TBR1: variants seen among roughly 807,000 people sequenced by gnomAD.
The protein encoded by TBR1 is T-box brain protein 1.
TBR1 carries 7 observed loss-of-function variants against 60.3 expected under a neutral mutation model. The ratio of observed to expected loss-of-function variants is 0.12; its 90% CI spans 0.07 to 0.22. The LOEUF (loss-of-function observed/expected upper bound fraction) is 0.22. Among genes scored for constraint, TBR1 ranks in the 10% least tolerant of loss-of-function variants. The pLI, the probability that TBR1 is intolerant of heterozygous loss-of-function variation, is 1.00. For missense variants in TBR1, 616 were observed against 936.8 expected, an observed-to-expected ratio of 0.66 and a Z score of 4.47; for synonymous variants, 417 against 409.9, an observed-to-expected ratio of 1.02 and a Z score of -0.21.
At position 161,416,827 on chromosome 2, in the gene TBR1, C is replaced by T; in HGVS notation, c.417C>T (p.Ile139=). ...QHGPAHPAFS[I]GSPSRYMAHH... ...GACCGGCGCACCCCGCCTTCTCCAT[C>T]GGCAGCCCTAGCCGCTACATGGCCC... Residue 139 remains isoleucine, a synonymous_variant, in exon 1 of 6, where the codon ATC becomes ATT. Transcript: ENST00000389554. The surrounding 1 kb of genome is among the most constrained non-coding windows in gnomAD (Gnocchi z 6.1). 2 of 1,614,026 alleles carry T rather than the reference C, an allele frequency of 1.2e-6. No individual in the cohort carries two copies. The highest frequency in any genetic ancestry group is 1.7e-6 in the Non-Finnish European group (2 of 1,180,014).
chr2:161,423,956 G>T lies in TBR1; in HGVS notation c.1778G>T (p.Arg593Leu). Residue 593 changes from arginine (R) to leucine (L), a missense_variant, in exon 6 of 6, where the codon CGC becomes CTC. Physicochemically the swap from Arg to Leu is moderately radical, Grantham distance 102. Transcript: ENST00000389554. ...GEEAEGLAAE[R>L]SPLPPGAAED... Reference sequence around the variant, plus strand: ...GAGGCCGAGGGCCTGGCCGCCGAGCGCTCGCCGCTGCCGCCCGGCGCCGCC... The same window carrying T: ...GAGGCCGAGGGCCTGGCCGCCGAGCTCTCGCCGCTGCCGCCCGGCGCCGCC... 1 of 1,546,454 alleles carries T rather than the reference G, an allele frequency of 6.5e-7. No individual in the cohort carries two copies. Among genetic ancestry groups the T allele is most frequent in the Non-Finnish European group, 8.7e-7 (1 of 1,145,066 alleles).
chr2:161,416,874 G>A lies in TBR1; in HGVS notation c.464G>A (p.Gly155Glu). 6.2e-7 allele frequency: 1 copy of A among 1,613,990 alleles called. No homozygotes were observed. Among genetic ancestry groups the A allele is most frequent in the Non-Finnish European group, 8.5e-7 (1 of 1,179,998 alleles). ...YMAHHPVITN[G>E]AYNSLLSNSS... Reference sequence around the variant, plus strand: ...GCCCACCACCCGGTCATCACCAACGGAGCCTACAACAGCCTCCTGTCCAAC... The same window carrying A: ...GCCCACCACCCGGTCATCACCAACGAAGCCTACAACAGCCTCCTGTCCAAC... Residue 155 changes from glycine (G) to glutamate (E), a missense_variant, in exon 1 of 6, where the codon GGA becomes GAA. By Grantham distance (98) the Gly-to-Glu change is moderately conservative (BLOSUM62 -2). Around this residue, in one of 8 missense-constraint regions of TBR1, gnomAD observed 211 missense variants for 268.7 expected, o/e 0.79. Transcript: ENST00000389554. The surrounding 1 kb of genome is among the most constrained non-coding windows in gnomAD (Gnocchi z 6.1).
At position 161,417,278 on chromosome 2, in the gene TBR1, G is replaced by C; in HGVS notation, c.692+176G>C. On this transcript the variant is annotated intron_variant, in intron 1 of 5. Coordinates refer to ENST00000389554, the MANE Select transcript of TBR1 (RefSeq NM_006593.4). The surrounding 1 kb of genome is among the most constrained non-coding windows in gnomAD (Gnocchi z 5.3). ...AGGGATAACCGCCAGGGTGATGTTG[G>C]TGGGGGGGACCCCGTTCTAGGAACA... 1.5e-6 allele frequency: 1 copy of C among 679,132 alleles called. No individual in the cohort carries two copies. The highest frequency in any genetic ancestry group is 2.4e-6 in the Non-Finnish European group (1 of 413,782). 42.1% of individuals were successfully genotyped at this position (679,132 alleles called of 1,614,324 possible).
rs370315773 is a variant in TBR1 at position 161,416,875 on chromosome 2, A to C, written c.465A>C (p.Gly155=). ...YMAHHPVITN[G]AYNSLLSNSS... ...CCCACCACCCGGTCATCACCAACGG[A>C]GCCTACAACAGCCTCCTGTCCAACT... The change falls in exon 1 of 6, where the codon GGA becomes GGC. Residue 155 remains glycine (G), a synonymous_variant. Transcript: ENST00000389554. This position sits in a 1 kb window ranked among gnomAD's most constrained non-coding sequence, Gnocchi z 6.1. 4.5e-5 allele frequency: 72 copies of C among 1,613,806 alleles called. No individual in the cohort carries two copies. The highest frequency in any genetic ancestry group is 5.8e-5 in the Non-Finnish European group (68 of 1,179,982).
intron 3 of TBR1, 130 bp from the exon 4 acceptor site, chr2:161,418,761 GT>G (rs954980201): frequency 7.9e-7 from 1 of 1,272,200 alleles, no homozygotes; most frequent in Non-Finnish European, 1.1e-6. Flanking sequence ...GAGTCCCGCG[GT>G]CAGTTAGCCT....
intron 2 of TBR1, 113 bp from the exon 3 acceptor site, chr2:161,418,088 G>T: frequency 6.9e-7 from 1 of 1,443,490 alleles, no homozygotes; most frequent in Non-Finnish European, 9.0e-7. Flanking sequence ...GTGGAGTAAG[G>T]TGTGTGTATG....
At chr2:161,418,096 ATGTGTGTGTGTGTG>A (rs78592009) in intron 2 of TBR1, 91 bp from the exon 3 acceptor site, 51 of 1,414,354 alleles carry the variant, frequency 3.6e-5, no homozygotes, top group South Asian at 1.1e-4. Context: ...AGGTGTGTGT[ATGTGTGTGTGTGTG>A]TGTGTGTGTG....
Position 161,423,843 on chromosome 2 carries a change from C to G in TBR1, c.1665C>G (p.Gly555=). ...CCCGCAGTCCCCCGCAGTACTGCGG[C>G]ACCAAGTCGGGCTCGGTGCTGCCCT... ...WGARSPPQYC[G]TKSGSVLPCW... The change falls in exon 6 of 6, where the codon GGC becomes GGG. Residue 555 remains glycine (G), a synonymous_variant. Coordinates refer to ENST00000389554, the MANE Select transcript of TBR1 (RefSeq NM_006593.4). The G allele has an allele frequency of 6.8e-7, 1 of 1,463,558 alleles. No individual in the cohort carries two copies. The highest frequency in any genetic ancestry group is 2.4e-4 in the Middle Eastern group (1 of 4,240). 90.7% of individuals were successfully genotyped at this position (1,463,558 alleles called of 1,614,324 possible).
Position 161,424,515 on chromosome 2 carries a change from T to G in TBR1, c.*288T>G, listed in dbSNP as rs981435848. ...TATCCTCCTACAATTCCCCTCCCCC[T>G]CGTCTTTCTCTTACCTCCTACTTCT... On this transcript the variant is annotated 3_prime_UTR_variant, in exon 6 of 6. Transcript: ENST00000389554. The surrounding 1 kb of genome is among the most constrained non-coding windows in gnomAD (Gnocchi z 4.4). 2.7e-6 allele frequency: 1 copy of G among 368,346 alleles called. No homozygotes were observed. Among genetic ancestry groups the G allele is most frequent in the African/African-American group, 2.1e-5 (1 of 48,250 alleles). The allele number at this position is 368,346 out of a possible 1,614,324, so 22.8% of individuals were successfully genotyped here.
In TBR1 at chr2:161,423,423, G is replaced by A. The variant is rs376920114; in HGVS notation, c.1245G>A (p.Pro415=). The part of the protein sequence containing the change: ...DRLTPSPNDS[P]RSQIVPGARY... ...TGACCCCCTCGCCCAACGACTCGCCGCGCTCGCAGATCGTGCCCGGGGCCC... is the reference window on the plus strand; with the variant it reads ...TGACCCCCTCGCCCAACGACTCGCCACGCTCGCAGATCGTGCCCGGGGCCC... Residue 415 remains proline, a synonymous_variant, in exon 6 of 6, where the codon CCG becomes CCA. Coordinates refer to ENST00000389554, the MANE Select transcript of TBR1 (RefSeq NM_006593.4). 1.3e-6 allele frequency: 2 copies of A among 1,593,030 alleles called. No homozygotes were observed. The highest frequency in any genetic ancestry group is 1.7e-6 in the Non-Finnish European group (2 of 1,169,962).
Position 161,424,344 on chromosome 2 carries a change from C to A in TBR1, c.*117C>A. 1 of 1,166,240 alleles carries A rather than the reference C, an allele frequency of 8.6e-7. No homozygotes were observed. Among genetic ancestry groups the A allele is most frequent in the Non-Finnish European group, 1.2e-6 (1 of 838,902 alleles). 72.2% of individuals were successfully genotyped at this position (1,166,240 alleles called of 1,614,324 possible). On this transcript the variant is annotated 3_prime_UTR_variant, in exon 6 of 6. Coordinates refer to ENST00000389554, the MANE Select transcript of TBR1 (RefSeq NM_006593.4). The surrounding 1 kb of genome is among the most constrained non-coding windows in gnomAD (Gnocchi z 4.4). ...TGCGCACCCACTCATTTTATTTGAC[C>A]CTCGATGGCCGTCTGCAGCGAATAA...
Position 161,424,266 on chromosome 2 carries a change from C to T in TBR1, c.*39C>T. The stretch of plus-strand genomic sequence containing the variant: ...GCCCGGCCCCGCCGCGGCCCGGACC[C>T]CCAGCCAGCCCCTCACAGCTCTTCC... On this transcript the variant is annotated 3_prime_UTR_variant, in exon 6 of 6. Coordinates refer to ENST00000389554, the MANE Select transcript of TBR1 (RefSeq NM_006593.4). The surrounding 1 kb of genome is among the most constrained non-coding windows in gnomAD (Gnocchi z 4.4). 2.0e-6 allele frequency: 3 copies of T among 1,508,568 alleles called. No homozygotes were observed. Among genetic ancestry groups the T allele is most frequent in the South Asian group, 1.3e-5 (1 of 77,260 alleles). The allele number at this position is 1,508,568 out of a possible 1,614,324, so 93.4% of individuals were successfully genotyped here. A position where few individuals can be genotyped will look rare whatever the true frequency, so the allele number is the denominator to read the frequency against.
chr2:161,418,818 G>C, intron 3 of TBR1, 74 bp from the exon 4 acceptor site: 3 of 1,531,868 alleles, frequency 2.0e-6, no homozygotes, highest in South Asian at 1.2e-5. Flanking sequence ...GCGCGCAGCC[G>C]GGCGCACACA....
intron 5 of TBR1, chr2:161,421,157 G>A (rs919931182): frequency 2.0e-5 from 3 of 152,240 alleles, no homozygotes; most frequent in African/African-American, 7.2e-5. Flanking sequence ...CACGTTTTCT[G>A]ACCATAAAAG....
rs1684283460 is a variant in TBR1, at chr2:161,424,169, G to C, written c.1991G>C (p.Cys664Ser). The C allele has an allele frequency of 5.0e-6, 8 of 1,612,942 alleles. No individual in the cohort carries two copies. Among genetic ancestry groups the C allele is most frequent in the Non-Finnish European group, 6.8e-6 (8 of 1,179,654 alleles). Reference sequence around the variant, plus strand: ...AGCGAGGTGCTGGCCCAGCGGGACTGCGAGAAGAACTGCGCCAAGGACATT... The same window carrying C: ...AGCGAGGTGCTGGCCCAGCGGGACTCCGAGAAGAACTGCGCCAAGGACATT... ...LKSEVLAQRD[C>S]EKNCAKDISG... The change falls in exon 6 of 6, where the codon TGC becomes TCC. Residue 664 changes from cysteine to serine, a missense_variant. By Grantham distance (112) the Cys-to-Ser change is moderately radical. Coordinates refer to ENST00000389554, the MANE Select transcript of TBR1 (RefSeq NM_006593.4). The surrounding 1 kb of genome is among the most constrained non-coding windows in gnomAD (Gnocchi z 4.4).
In TBR1 at chr2:161,416,878, C is replaced by A; in HGVS notation, c.468C>A (p.Ala156=). The change falls in exon 1 of 6, where the codon GCC becomes GCA. Residue 156 remains alanine (A), a synonymous_variant. Coordinates refer to ENST00000389554, the MANE Select transcript of TBR1 (RefSeq NM_006593.4). This position sits in a 1 kb window ranked among gnomAD's most constrained non-coding sequence, Gnocchi z 6.1. ...MAHHPVITNG[A]YNSLLSNSSP... is the part of the protein sequence containing the mutation. ...ACCACCCGGTCATCACCAACGGAGCCTACAACAGCCTCCTGTCCAACTCCT... is the reference window on the plus strand; with the variant it reads ...ACCACCCGGTCATCACCAACGGAGCATACAACAGCCTCCTGTCCAACTCCT... 1 of 1,614,046 alleles carries A rather than the reference C, an allele frequency of 6.2e-7. No individual in the cohort carries two copies. The highest frequency in any genetic ancestry group is 1.1e-5 in the South Asian group (1 of 91,058).
At chr2:161,420,964 T>C (rs775785603) in intron 5 of TBR1, 30 of 152,294 alleles carry the variant, frequency 2.0e-4, no homozygotes, top group African/African-American at 6.0e-4. Context: ...TTAAACATGC[T>C]GGTGCCCTTT....
rs1374111628 is a variant in TBR1, at chr2:161,416,541, A to T, written c.131A>T (p.Asp44Val). ...LHDHPIISTT[D>V]NLERSSPLKK... ...GATCATCCCATTATCTCGACCACTG[A>T]CAACCTGGAGAGAAGTTCACCTTTG... is the stretch of plus-strand genomic sequence containing the variant. Residue 44 changes from aspartate to valine, a missense_variant, in exon 1 of 6, where the codon GAC (aspartate) becomes GTC (valine). By Grantham distance (152) the Asp-to-Val change is radical (BLOSUM62 -3). This residue lies in a region of TBR1 where 211 missense variants were observed against 268.7 expected (regional missense o/e 0.79). Coordinates refer to ENST00000389554, the MANE Select transcript of TBR1 (RefSeq NM_006593.4). This position sits in a 1 kb window ranked among gnomAD's most constrained non-coding sequence, Gnocchi z 6.1. 6.2e-7 allele frequency: 1 copy of T among 1,614,072 alleles called. No homozygotes were observed. The highest frequency in any genetic ancestry group is 1.3e-5 in the African/African-American group (1 of 74,914).
At chr2:161,418,087 GGTGTGTGTATGTGT>G in intron 2 of TBR1, 100 bp from the exon 3 acceptor site, 4 of 1,388,800 alleles carry the variant, frequency 2.9e-6, no homozygotes, top group Non-Finnish European at 3.8e-6. Context: ...GGTGGAGTAA[GGTGTGTGTATGTGT>G]GTGTGTGTGT....
Sources: allele counts gnomAD v4.1 joint callset, GRCh38; gene constraint gnomAD v4.1.1; regional missense constraint gnomAD v4.1.1; non-coding constraint Gnocchi (gnomAD v3.1); transcripts MANE v1.5; gene names NCBI Gene and HGNC (gene_info 2026-07-23, HGNC 2026-07-21).